Variants in PIEZO2 observed in about 807,000 individuals in gnomAD.
PIEZO2 encodes the protein piezo-type mechanosensitive ion channel component 2.
PIEZO2 carries 172 observed loss-of-function variants against 337.3 expected under a neutral mutation model. The ratio of observed to expected loss-of-function variants is 0.51; its 90% CI spans 0.45 to 0.58. The LOEUF (loss-of-function observed/expected upper bound fraction) is 0.58. Ranked by LOEUF, PIEZO2 falls within the 20% of genes least tolerant of loss-of-function variation. The probability of loss-of-function intolerance (pLI) is 0.00; values close to 1 mark genes in which losing one functional copy is unlikely to be tolerated. For synonymous variants in PIEZO2, 1,251 were observed against 1,228.5 expected (o/e 1.02, Z -0.38); for missense variants, 3,028 against 3,391.3 (o/e 0.89, Z 2.66).
chr18:10,936,908 C>G (rs1420760962), intron 3 of PIEZO2, among the ~76,000 whole-genome samples: 2 of 152,170 alleles, frequency 1.3e-5, no homozygotes, highest in Non-Finnish European at 2.9e-5. Context: ...TGCTAGAGCC[C>G]TTTAGCTACT....
At chr18:11,067,919 T>TTTTG (rs1324126914) in intron 1 of PIEZO2, among the ~76,000 whole-genome samples, 5 of 152,148 alleles carry the variant, frequency 3.3e-5, no homozygotes, top group African/African-American at 7.2e-5. Flanking sequence ...CACATTCTTT[T>TTTTG]TTTGTTTGTT....
chr18:10,677,909 A>G lies in PIEZO2; in HGVS notation c.7953-34T>C, dbSNP rs753076047. ...AAAAAAAAAAAGCTTAATGTCAGTGATTATTCAGAAGTCTGGAAAAGAGAT... is the reference window on the plus strand; with the variant it reads ...AAAAAAAAAAAGCTTAATGTCAGTGGTTATTCAGAAGTCTGGAAAAGAGAT... On this transcript the variant is annotated intron_variant, in intron 52 of 55. Coordinates refer to ENST00000674853, the MANE Select transcript of PIEZO2 (RefSeq NM_001378183.1). The surrounding 1 kb of genome is among the most constrained non-coding windows in gnomAD (Gnocchi z 4.1). 8 of 1,541,742 alleles carry G rather than the reference A, an allele frequency of 5.2e-6. No homozygotes were observed. In the East Asian group the frequency reaches 1.1e-4, roughly 22 times the overall value.
chr18:10,720,361 TTCTGTG>T (rs1330140586), intron 36 of PIEZO2, among the ~76,000 whole-genome samples: 2 of 67,288 alleles, frequency 3.0e-5, no homozygotes, highest in African/African-American at 5.8e-5. Flanking sequence ...CCTATATATA[TTCTGTG>T]TGTGTGTGTG....
intron 3 of PIEZO2, among the ~76,000 whole-genome samples, chr18:10,963,991 G>A (rs553606184): frequency 6.6e-6 from 1 of 152,138 alleles, no homozygotes; most frequent in African/African-American, 2.4e-5. Flanking sequence ...GCTCTACAAG[G>A]TTCCCAAGAA....
Position 10,878,380 on chromosome 18 carries a change from G to C in PIEZO2, c.330-6965C>G, listed in dbSNP as rs185864829. On this transcript the variant is annotated intron_variant, in intron 4 of 55. Coordinates refer to ENST00000674853, the MANE Select transcript of PIEZO2 (RefSeq NM_001378183.1). This position sits in a 1 kb window ranked among gnomAD's most constrained non-coding sequence, Gnocchi z 4.3. The stretch of plus-strand genomic sequence containing the variant: ...CATAAAGAGCTCTGTAATTCAGCTC[G>C]GGGAAGATAATACACAAACACTAAG... Among the ~76,000 whole-genome samples, 1 of 152,166 alleles carries C rather than the reference G, an allele frequency of 6.6e-6. No individual in the cohort carries two copies. The highest frequency in any genetic ancestry group is 1.5e-5 in the Non-Finnish European group (1 of 68,034).
At chr18:10,741,411 G>A (rs9963403) in intron 32 of PIEZO2, among the ~76,000 whole-genome samples, 2,546 of 152,252 alleles carry the variant, frequency 0.017, 68 homozygotes, top group African/African-American at 0.059. Context: ...ATATTCCATT[G>A]TATTAACAGA....
rs1000872287 is a variant in PIEZO2, at chr18:11,104,114, C to T, written c.65-37892G>A. Among the ~76,000 whole-genome samples, 3 of 152,144 alleles carry T rather than the reference C, an allele frequency of 2.0e-5. No individual in the cohort carries two copies. The highest frequency in any genetic ancestry group is 1.5e-5 in the Non-Finnish European group (1 of 68,026). On this transcript the variant is annotated intron_variant, in intron 1 of 55. Coordinates refer to ENST00000674853, the MANE Select transcript of PIEZO2 (RefSeq NM_001378183.1). This position sits in a 1 kb window ranked among gnomAD's most constrained non-coding sequence, Gnocchi z 4.6. ...GATGTTAAAATTGGATTCTTCTTAT[C>T]ATAGCTTTCACTGGGATTGCAATAT...
rs982638593 is a variant in PIEZO2 at position 10,952,403 on chromosome 18, T to C, written c.286+27132A>G. On this transcript the variant is annotated intron_variant, in intron 3 of 55. Coordinates refer to ENST00000674853, the MANE Select transcript of PIEZO2 (RefSeq NM_001378183.1). This position sits in a 1 kb window ranked among gnomAD's most constrained non-coding sequence, Gnocchi z 4.1. ...GCCACTCCCCTGATCCTCCACCCCA[T>C]GGTGAGCAATGATGCACTTTCTACC... is the stretch of plus-strand genomic sequence containing the variant. Among the ~76,000 whole-genome samples, 1 of 152,180 alleles carries C rather than the reference T, an allele frequency of 6.6e-6. No homozygotes were observed. The highest frequency in any genetic ancestry group is 1.5e-5 in the Non-Finnish European group (1 of 68,030).
At chr18:10,732,754 T>G (rs2036836513) in intron 35 of PIEZO2, among the ~76,000 whole-genome samples, 1 of 152,200 alleles carries the variant, frequency 6.6e-6, no homozygotes, top group African/African-American at 2.4e-5. Context: ...TTTTAGTAGA[T>G]GTTTATTGGC....
rs57159292 is a variant in PIEZO2 at position 10,825,550 on chromosome 18, C to CTT, written c.918-18278_918-18277dup. ...TTTTTCCACTTTCTTTCCTTTCTTC[C>CTT]TTTTTTTTTTTTTTTTTTGAGACAG... On this transcript the variant is annotated intron_variant, in intron 7 of 55. Transcript: ENST00000674853. Among the ~76,000 whole-genome samples, 426 of 113,816 alleles carry CTT rather than the reference C, an allele frequency of 3.7e-3. 8 individuals carry two copies. Among genetic ancestry groups the CTT allele is most frequent in the East Asian group, 9.2e-3 (38 of 4,110 alleles). The allele number at this position is 113,816 out of a possible 152,430, so 74.7% of individuals were successfully genotyped here.
At position 10,767,345 on chromosome 18, in the gene PIEZO2, G is replaced by C. The variant is rs931352643; in HGVS notation, c.2946+2803C>G. Among the ~76,000 whole-genome samples, 1 of 152,074 alleles carries C rather than the reference G, an allele frequency of 6.6e-6. No homozygotes were observed. ...CTTTGAAAAGGTTTAATATTTGCAG[G>C]AGAGATGAACCCAAAAGTTGTGAAA... is the stretch of plus-strand genomic sequence containing the variant. On this transcript the variant is annotated intron_variant, in intron 21 of 55. Transcript: ENST00000674853. The surrounding 1 kb of genome is among the most constrained non-coding windows in gnomAD (Gnocchi z 4.2).
At position 10,759,387 on chromosome 18, in the gene PIEZO2, T is replaced by A; in HGVS notation, c.3757+95A>T. The A allele has an allele frequency of 9.6e-7, 1 of 1,036,870 alleles. No homozygotes were observed. Among genetic ancestry groups the A allele is most frequent in the Non-Finnish European group, 1.4e-6 (1 of 703,992 alleles). 64.2% of individuals were successfully genotyped at this position (1,036,870 alleles called of 1,614,324 possible). ...GCCTTTACATGATTACGAAGTCTAG[T>A]GGAAGACAAAAGGCACTAATGCATA... On this transcript the variant is annotated intron_variant, in intron 26 of 55. Coordinates refer to ENST00000674853, the MANE Select transcript of PIEZO2 (RefSeq NM_001378183.1). The surrounding 1 kb of genome is among the most constrained non-coding windows in gnomAD (Gnocchi z 5.5).
At chr18:10,698,722 AGGTGTTTTGGGTAAT>A (rs2035206112) in intron 44 of PIEZO2, among the ~76,000 whole-genome samples, 188 bp downstream of exon 44, 1 of 152,154 alleles carries the variant, frequency 6.6e-6, no homozygotes, top group African/African-American at 2.4e-5. Context: ...AGATACAATA[AGGTGTTTTGGGTAAT>A]GGGGTCACAC....
intron 2 of PIEZO2, among the ~76,000 whole-genome samples, chr18:11,044,609 G>A (rs2660249): frequency 0.47 from 70,950 of 152,022 alleles, 17,764 homozygotes; most frequent in African/African-American, 0.65. Context: ...TATGATGGTC[G>A]TACTTTCCTT....
chr18:10,932,565 A>C (rs2032156431), intron 3 of PIEZO2, among the ~76,000 whole-genome samples: 1 of 152,172 alleles, frequency 6.6e-6, no homozygotes, highest in Non-Finnish European at 1.5e-5. Context: ...CATCCAGAGC[A>C]GAAGAGACAC....
At chr18:10,885,881 G>A (rs546707740) in intron 4 of PIEZO2, among the ~76,000 whole-genome samples, 39 of 152,118 alleles carry the variant, frequency 2.6e-4, no homozygotes, top group Admixed American at 4.6e-4. Flanking sequence ...GCTTGGGAGT[G>A]GTCAGGGCTG....
rs1159823445 is a variant in PIEZO2, at chr18:11,092,636, T to C, written c.65-26414A>G. ...ACAATTTTACACAACCAAGAATAAA[T>C]GTAATTGGACAAGGCAACCTGATCC... On this transcript the variant is annotated intron_variant, in intron 1 of 55. Coordinates refer to ENST00000674853, the MANE Select transcript of PIEZO2 (RefSeq NM_001378183.1). This position sits in a 1 kb window ranked among gnomAD's most constrained non-coding sequence, Gnocchi z 4.5. 6.6e-6 allele frequency among the ~76,000 whole-genome samples: 1 copy of C among 152,178 alleles called. No homozygotes were observed. The highest frequency in any genetic ancestry group is 1.5e-5 in the Non-Finnish European group (1 of 68,028).
intron 3 of PIEZO2, among the ~76,000 whole-genome samples, chr18:10,974,710 T>A (rs2170666): frequency 0.011 from 1,677 of 152,328 alleles, 32 homozygotes; most frequent in African/African-American, 0.038. Flanking sequence ...GCCCGTTTCT[T>A]CATTGCAATC....
At chr18:11,087,677 C>T (rs550455622) in intron 1 of PIEZO2, among the ~76,000 whole-genome samples, 2 of 152,320 alleles carry the variant, frequency 1.3e-5, no homozygotes, top group African/African-American at 4.8e-5. Context: ...TTATTCTTTC[C>T]CACAGTTTTT....
Sources: allele counts gnomAD v4.1 joint callset (sites outside exome capture counted in the v4.1 genomes callset), GRCh38; gene constraint gnomAD v4.1.1; non-coding constraint Gnocchi (gnomAD v3.1); transcripts MANE v1.5; gene names NCBI Gene and HGNC (gene_info 2026-07-23, HGNC 2026-07-21).